Variants in VPS13B observed in about 807,000 individuals in gnomAD.
VPS13B encodes vacuolar protein sorting 13 homolog B.
A neutral mutation model predicts 426.4 loss-of-function variants in VPS13B; 285 were observed. That is an observed-to-expected ratio of 0.67 (90% CI 0.61 to 0.74). The LOEUF is 0.74. Ranked by LOEUF, VPS13B falls within the 30% of genes least tolerant of loss-of-function variation. The pLI is 0.00. For missense variants in VPS13B, 4,537 were observed against 4,782.6 expected, an observed-to-expected ratio of 0.95 and a Z score of 1.51; for synonymous variants, 1,676 against 1,676.4, an observed-to-expected ratio of 1.00 and a Z score of 0.01.
At chr8:99,410,450 TCAAA>T (rs1159497302) in intron 21 of VPS13B, among the ~76,000 whole-genome samples, 3 of 152,286 alleles carry the variant, frequency 2.0e-5, no homozygotes, top group South Asian at 2.1e-4. Context: ...GAATTCTTTC[TCAAA>T]CAAACTCCAT....
At chr8:99,235,804 T>C (rs1337166638) in intron 17 of VPS13B, among the ~76,000 whole-genome samples, 2 of 152,232 alleles carry the variant, frequency 1.3e-5, no homozygotes, top group East Asian at 1.9e-4. Flanking sequence ...TTTCATGAGA[T>C]AGTTATTAGA....
intron 24 of VPS13B, among the ~76,000 whole-genome samples, chr8:99,472,725 A>G (rs532447140): frequency 6.7e-4 from 102 of 151,998 alleles, no homozygotes; most frequent in Non-Finnish European, 1.2e-3. Context: ...TGAGCAAGAG[A>G]TAGAAAATTA....
At chr8:99,794,425 C>G (rs1812704251) in intron 43 of VPS13B, among the ~76,000 whole-genome samples, 1 of 152,194 alleles carries the variant, frequency 6.6e-6, no homozygotes, top group South Asian at 2.1e-4. Context: ...AAACAGAAGA[C>G]ACACAGGAGT....
chr8:99,772,749 T>G (rs972600029), intron 40 of VPS13B, among the ~76,000 whole-genome samples: 1 of 152,168 alleles, frequency 6.6e-6, no homozygotes, highest in Non-Finnish European at 1.5e-5. Flanking sequence ...GGAGTTAGGG[T>G]TAAGACATTT....
chr8:99,408,803 G>A (rs1463762055), intron 21 of VPS13B, among the ~76,000 whole-genome samples: 2 of 152,162 alleles, frequency 1.3e-5, no homozygotes, highest in African/African-American at 2.4e-5. Context: ...CCAGCATTTT[G>A]TGGTCTGGAG....
At chr8:99,467,331 A>C in intron 23 of VPS13B, 83 bp from the exon 24 acceptor site, 1 of 1,357,954 alleles carries the variant, frequency 7.4e-7, no homozygotes. Context: ...TAAATGTTAA[A>C]TGTTTTACAT....
At chr8:99,136,567 T>C in intron 11 of VPS13B, 98 bp from the exon 12 acceptor site, 6 of 1,174,186 alleles carry the variant, frequency 5.1e-6, no homozygotes, top group Non-Finnish European at 7.6e-6. Context: ...TGTGTTGTTA[T>C]ACATTCTATA....
At chr8:99,239,521 G>A (rs1221305738) in intron 17 of VPS13B, among the ~76,000 whole-genome samples, 1 of 152,060 alleles carries the variant, frequency 6.6e-6, no homozygotes, top group East Asian at 1.9e-4. Context: ...GTAATAGTTA[G>A]GTATATCTTT....
chr8:99,651,569 C>T (rs970172049), intron 34 of VPS13B, among the ~76,000 whole-genome samples: 1 of 152,100 alleles, frequency 6.6e-6, no homozygotes, highest in African/African-American at 2.4e-5. Flanking sequence ...CTTCTGCCAG[C>T]ACCTTTATAC....
intron 35 of VPS13B, chr8:99,697,456 C>T (rs534057655): frequency 1.5e-4 from 107 of 718,846 alleles, no homozygotes; most frequent in African/African-American, 1.3e-3. Flanking sequence ...AGGAGGAAAT[C>T]GACATCCTCA....
intron 3 of VPS13B, among the ~76,000 whole-genome samples, chr8:99,094,295 T>A (rs1846317125): frequency 6.6e-6 from 1 of 152,204 alleles, no homozygotes; most frequent in Non-Finnish European, 1.5e-5. Context: ...GTGCTTTTAA[T>A]GTTAATGTTG....
intron 36 of VPS13B, among the ~76,000 whole-genome samples, chr8:99,714,910 T>C (rs943068498): frequency 6.6e-6 from 1 of 152,126 alleles, no homozygotes; most frequent in African/African-American, 2.4e-5. Flanking sequence ...AGGAAATTAG[T>C]GGGAAAAATG....
At chr8:99,023,638 A>G (rs1842007798) in intron 2 of VPS13B, among the ~76,000 whole-genome samples, 1 of 151,188 alleles carries the variant, frequency 6.6e-6, no homozygotes, top group Non-Finnish European at 1.5e-5. Context: ...ACGCCACCAC[A>G]CCTGGCTAAT....
At chr8:99,361,996 A>G (rs1483951782) in intron 19 of VPS13B, among the ~76,000 whole-genome samples, 2 of 152,198 alleles carry the variant, frequency 1.3e-5, no homozygotes, top group Admixed American at 6.5e-5. Context: ...AATCAGTGCC[A>G]GATATGGGCA....
intron 29 of VPS13B, among the ~76,000 whole-genome samples, chr8:99,512,853 C>G (rs573358488): frequency 6.6e-6 from 1 of 151,826 alleles, no homozygotes; most frequent in Admixed American, 6.6e-5. Flanking sequence ...ACTAAAAATA[C>G]AAAAAATTAG....
At chr8:99,448,876 C>G (rs932697904) in intron 23 of VPS13B, among the ~76,000 whole-genome samples, 1 of 152,100 alleles carries the variant, frequency 6.6e-6, no homozygotes, top group African/African-American at 2.4e-5. Context: ...AGATAACTTT[C>G]AATCATTTAT....
intron 17 of VPS13B, among the ~76,000 whole-genome samples, chr8:99,228,791 G>A (rs1274308430): frequency 6.6e-6 from 1 of 152,094 alleles, no homozygotes; most frequent in Non-Finnish European, 1.5e-5. Flanking sequence ...ATATAAGCAC[G>A]TAATTATAAT....
At chr8:99,085,171 C>T (rs1310272935) in intron 3 of VPS13B, among the ~76,000 whole-genome samples, 2 of 152,128 alleles carry the variant, frequency 1.3e-5, no homozygotes, top group South Asian at 2.1e-4. Context: ...GGATAGTTAG[C>T]TCTTGTCGTT....
chr8:99,268,651 A>C (rs1196131776), intron 17 of VPS13B, among the ~76,000 whole-genome samples: 1 of 152,252 alleles, frequency 6.6e-6, no homozygotes, highest in East Asian at 1.9e-4. Context: ...GTATCTAGGA[A>C]GTTACAGGCT....
Sources: allele counts gnomAD v4.1 joint callset (sites outside exome capture counted in the v4.1 genomes callset), GRCh38; gene constraint gnomAD v4.1.1; transcripts MANE v1.5; gene names NCBI Gene and HGNC (gene_info 2026-07-23, HGNC 2026-07-21).